Variants in NEK5 observed in about 807,000 individuals in gnomAD.
NEK5 encodes the protein NIMA related kinase 5.
A neutral mutation model predicts 109.2 loss-of-function variants in NEK5; 88 were observed. That is an observed-to-expected ratio of 0.81 (90% CI 0.68 to 0.96). The LOEUF (loss-of-function observed/expected upper bound fraction) is 0.96. NEK5 is among the 40% of genes least tolerant of loss of function. NEK5 has a pLI of 0.00. For missense variants in NEK5, 834 were observed against 920.7 expected, an observed-to-expected ratio of 0.91 and a Z score of 1.22; for synonymous variants, 283 against 299.9, an observed-to-expected ratio of 0.94 and a Z score of 0.58.
chr13:52,110,279 T>C (rs1204322699), intron 7 of NEK5, 61 bp downstream of exon 7: 10 of 1,079,282 alleles, frequency 9.3e-6, no homozygotes, highest in Admixed American at 1.9e-5. Context: ...ATCCATGATA[T>C]CTAAAAATAC....
At chr13:52,090,466 C>T (rs1955255188) in intron 13 of NEK5, among the ~76,000 whole-genome samples, 1 of 152,110 alleles carries the variant, frequency 6.6e-6, no homozygotes, top group Admixed American at 6.6e-5. Context: ...AGTCTTAGTT[C>T]CTCAGCTGTA....
Position 52,125,430 on chromosome 13 carries a change from G to A in NEK5, c.117+1936C>T, listed in dbSNP as rs555728300. Among the ~76,000 whole-genome samples the A allele has an allele frequency of 1.6e-4, 24 of 152,262 alleles. No homozygotes were observed. The East Asian group carries it at 4.1e-3, about 26-fold the overall frequency. On this transcript the variant is annotated intron_variant, in intron 3 of 23. Coordinates refer to ENST00000684899, the MANE Select transcript of NEK5 (RefSeq NM_001365552.1). ...TACAAAAAATTAGCCAGGCGTGGTGGCGGGCGCCTGTAGTCCCAGCTACTC... is the reference window on the plus strand; with the variant it reads ...TACAAAAAATTAGCCAGGCGTGGTGACGGGCGCCTGTAGTCCCAGCTACTC...
intron 16 of NEK5, among the ~76,000 whole-genome samples, chr13:52,085,286 A>G (rs1955119436): frequency 6.6e-6 from 1 of 152,084 alleles, no homozygotes; most frequent in Non-Finnish European, 1.5e-5. Context: ...TTCTGCCATG[A>G]TTGTGAGGCC....
rs374451098 is a variant in NEK5 at position 52,086,350 on chromosome 13, T to G, written c.1406A>C (p.Gln469Pro). ...NEMKEQEYWKQLEEIRQQYHN... is the reference protein window; with the variant it reads ...NEMKEQEYWKPLEEIRQQYHN... ...GTACTGTTGGCGTATTTCCTCTAAC[T>G]GCTTCCAATATTCCTGGAAAGCAAA... The change falls in exon 16 of 24, where the codon CAG (glutamine) becomes CCG (proline). Residue 469 changes from glutamine (Q) to proline (P), a missense_variant. Transcript: ENST00000684899. 59 of 1,610,694 alleles carry G rather than the reference T, an allele frequency of 3.7e-5. No homozygotes were observed. In the East Asian group the frequency reaches 6.5e-4, roughly 18 times the overall value.
At chr13:52,071,863 G>A in intron 20 of NEK5, 81 bp downstream of exon 20, 2 of 1,225,190 alleles carry the variant, frequency 1.6e-6, no homozygotes, top group Admixed American at 1.8e-5. Context: ...TGGAGCCGAG[G>A]CAGATGCATG....
chr13:52,089,433 A>C, intron 13 of NEK5, 120 bp from the exon 14 acceptor site: 1 of 622,048 alleles, frequency 1.6e-6, no homozygotes. Context: ...TGAAGTTCCA[A>C]GTTCAAGAAG....
chr13:52,067,448 T>G (rs529107210), intron 20 of NEK5, among the ~76,000 whole-genome samples: 45 of 152,196 alleles, frequency 3.0e-4, no homozygotes, highest in Non-Finnish European at 5.9e-4. Flanking sequence ...GCTGCACAGA[T>G]AAGGGAGCAA....
At chr13:52,076,617 T>C (rs1348993032) in intron 17 of NEK5, among the ~76,000 whole-genome samples, 2 of 152,218 alleles carry the variant, frequency 1.3e-5, no homozygotes, top group Non-Finnish European at 2.9e-5. Flanking sequence ...GGAGGTTTCT[T>C]AGCATCCTAT....
chr13:52,079,446 C>T lies in NEK5; in HGVS notation c.1573-3303G>A, dbSNP rs369202495. On this transcript the variant is annotated intron_variant, in intron 17 of 23. Transcript: ENST00000684899. Reference sequence around the variant, plus strand: ...TGCCGAGTGCCTGCGATTGCAGGGGCGCACCGCCACGCCTGACTGGTTTTC... The same window carrying T: ...TGCCGAGTGCCTGCGATTGCAGGGGTGCACCGCCACGCCTGACTGGTTTTC... 1.8e-4 allele frequency among the ~76,000 whole-genome samples: 28 copies of T among 152,316 alleles called. No individual in the cohort carries two copies. The East Asian group carries it at 4.6e-3, about 25-fold the overall frequency.
chr13:52,122,939 T>C (rs1319904572), intron 3 of NEK5, among the ~76,000 whole-genome samples: 3 of 152,264 alleles, frequency 2.0e-5, no homozygotes, highest in Non-Finnish European at 4.4e-5. Flanking sequence ...CTTTGGCTCT[T>C]TTCAAAATTT....
chr13:52,094,314 T>TA (rs1223156780), intron 12 of NEK5, among the ~76,000 whole-genome samples: 1 of 151,858 alleles, frequency 6.6e-6, no homozygotes, highest in African/African-American at 2.4e-5. Context: ...CAGTTAATAA[T>TA]AAAAAGAGAA....
chr13:52,122,204 T>C (rs2138130953), intron 3 of NEK5, among the ~76,000 whole-genome samples: 1 of 152,346 alleles, frequency 6.6e-6, no homozygotes, highest in Non-Finnish European at 1.5e-5. Context: ...TGGAGCTAAC[T>C]GCTTAACCTC....
In NEK5 at chr13:52,102,127, A is replaced by T. The variant is rs541144837; in HGVS notation, c.775T>A (p.Leu259Ile). 6 of 1,614,142 alleles carry T rather than the reference A, an allele frequency of 3.7e-6. No homozygotes were observed. The East Asian group carries it at 1.3e-4, about 36-fold the overall frequency. The change falls in exon 10 of 24, where the codon TTA (leucine) becomes ATA (isoleucine). Residue 259 changes from leucine to isoleucine, a missense_variant. Leu to Ile is a conservative substitution (Grantham distance 5). Transcript: ENST00000684899. ...SINSILKRPF[L>I]ENLIPKYLTP... Reference sequence around the variant, plus strand: ...AAATATTTGGGAATAAGATTCTCTAAAAAGGGCCTTTTCAAAATGGAATTT... The same window carrying T: ...AAATATTTGGGAATAAGATTCTCTATAAAGGGCCTTTTCAAAATGGAATTT...
At chr13:52,115,044 G>T (rs1395260869) in intron 4 of NEK5, among the ~76,000 whole-genome samples, 1 of 146,492 alleles carries the variant, frequency 6.8e-6, no homozygotes, top group Non-Finnish European at 1.5e-5. Flanking sequence ...ACGGAATCTC[G>T]CTCTGTCACC....
rs754751591 is a variant in NEK5 at position 52,076,128 on chromosome 13, A to G, written c.1588T>C (p.Leu530=). The G allele has an allele frequency of 1.3e-6, 2 of 1,592,244 alleles. No individual in the cohort carries two copies. Among genetic ancestry groups the G allele is most frequent in the African/African-American group, 1.3e-5 (1 of 74,374 alleles). ...EAPVQDIEKD[L]KQMRLQNTKE... ...GTGTTCTGAAGCCTCATTTGTTTCA[A>G]GTCTTTTTCAATGTCCTGAAAATTT... The change falls in exon 18 of 24, where the codon TTG becomes CTG. Residue 530 remains leucine (L), a synonymous_variant. Transcript: ENST00000684899.
intron 4 of NEK5, among the ~76,000 whole-genome samples, chr13:52,118,383 T>C (rs1373940807): frequency 6.6e-6 from 1 of 152,192 alleles, no homozygotes; most frequent in Non-Finnish European, 1.5e-5. Flanking sequence ...GTTTATTGTC[T>C]ATCTCTTCCC....
At chr13:52,102,724 C>G (rs577502298) in intron 9 of NEK5, among the ~76,000 whole-genome samples, 28 of 152,228 alleles carry the variant, frequency 1.8e-4, no homozygotes, top group African/African-American at 6.5e-4. Context: ...CACTGTGGTC[C>G]ACCTTAAATT....
At chr13:52,055,885 C>A (rs1046340155) in intron 22 of NEK5, among the ~76,000 whole-genome samples, 1 of 151,712 alleles carries the variant, frequency 6.6e-6, no homozygotes, top group Non-Finnish European at 1.5e-5. Context: ...AGAAACTGCA[C>A]CAACTAACGA....
At chr13:52,126,139 T>C (rs112075005) in intron 3 of NEK5, among the ~76,000 whole-genome samples, 4 of 152,324 alleles carry the variant, frequency 2.6e-5, no homozygotes, top group African/African-American at 9.6e-5. Flanking sequence ...ATAAATCCTC[T>C]AGAAGCTGAC....
Sources: allele counts gnomAD v4.1 joint callset (sites outside exome capture counted in the v4.1 genomes callset), GRCh38; gene constraint gnomAD v4.1.1; transcripts MANE v1.5; gene names NCBI Gene and HGNC (gene_info 2026-07-23, HGNC 2026-07-21).